The following PPP4R2 variants were observed in gnomAD, a reference collection of about 807,000 sequenced individuals.
PPP4R2 encodes the protein serine/threonine-protein phosphatase 4 regulatory subunit 2.
PPP4R2 carries 13 observed loss-of-function variants against 47.2 expected under a neutral mutation model. That is an observed-to-expected ratio of 0.28 (90% CI 0.18 to 0.44). PPP4R2 has a LOEUF of 0.44. Among genes scored for constraint, PPP4R2 ranks in the 20% least tolerant of loss-of-function variants. PPP4R2 has a pLI of 1.00. For missense variants in PPP4R2, 421 were observed against 491.2 expected (o/e 0.86, Z 1.35); for synonymous variants, 151 against 163.3 (o/e 0.92, Z 0.57).
chr3:73,005,921 A>G (rs1429362664), intron 2 of PPP4R2, among the ~76,000 whole-genome samples: 1 of 151,978 alleles, frequency 6.6e-6, no homozygotes, highest in Non-Finnish European at 1.5e-5. Flanking sequence ...AAGTTTTCAT[A>G]TCTACACTCA....
chr3:73,022,659 G>C (rs1348871864), intron 2 of PPP4R2, among the ~76,000 whole-genome samples: 1 of 151,952 alleles, frequency 6.6e-6, no homozygotes, highest in Non-Finnish European at 1.5e-5. Flanking sequence ...CCAAGTTTAA[G>C]AACGTCAATA....
At chr3:73,003,348 GT>G (rs1418393440) in intron 2 of PPP4R2, among the ~76,000 whole-genome samples, 15 of 151,638 alleles carry the variant, frequency 9.9e-5, no homozygotes, top group Non-Finnish European at 2.2e-4. Flanking sequence ...AGTAGCTGGG[GT>G]TACTGGCACG....
chr3:73,043,558 G>A (rs993288074), intron 2 of PPP4R2, among the ~76,000 whole-genome samples: 3 of 152,116 alleles, frequency 2.0e-5, no homozygotes, highest in Non-Finnish European at 4.4e-5. Context: ...TTTCCCACCA[G>A]TAATGTATGA....
intron 5 of PPP4R2, chr3:73,062,276 G>A (rs1702878009): frequency 6.2e-7 from 1 of 1,607,022 alleles, no homozygotes; most frequent in Non-Finnish European, 8.5e-7. Flanking sequence ...ATGACGCAAT[G>A]GACAGGAGTG....
Position 73,066,262 on chromosome 3 carries a change from A to ATATATATATATATATAT in PPP4R2, c.*540_*541insTATATATATATATATAT, listed in dbSNP as rs1702995053. 5.6e-5 allele frequency: 8 copies of ATATATATATATATATAT among 143,930 alleles called. No individual in the cohort carries two copies. Among genetic ancestry groups the ATATATATATATATATAT allele is most frequent in the East Asian group, 2.0e-4 (1 of 5,086 alleles). The allele number at this position is 143,930 out of a possible 1,614,324, so 8.9% of individuals were successfully genotyped here. A position where few individuals can be genotyped will look rare whatever the true frequency, so the allele number is the denominator to read the frequency against. On this transcript the variant is annotated 3_prime_UTR_variant, in exon 9 of 9. Coordinates refer to ENST00000356692, the MANE Select transcript of PPP4R2 (RefSeq NM_174907.4). ...TACATATATATATATATATATATAT[A>ATATATATATATATATAT]ATTCTAAGGGGGGAAATGTTATATT...
chr3:73,023,861 A>G (rs1351183303), intron 2 of PPP4R2, among the ~76,000 whole-genome samples: 1 of 152,190 alleles, frequency 6.6e-6, no homozygotes, highest in African/African-American at 2.4e-5. Context: ...CAGGTATAAT[A>G]TACTTGGAAG....
intron 2 of PPP4R2, among the ~76,000 whole-genome samples, chr3:73,023,991 A>C (rs539142172): frequency 6.6e-6 from 1 of 152,148 alleles, no homozygotes; most frequent in Admixed American, 6.5e-5. Flanking sequence ...ATTTTTCTTA[A>C]TTTGTATTTT....
chr3:73,036,431 G>C (rs1447474083), intron 2 of PPP4R2, among the ~76,000 whole-genome samples: 1 of 152,194 alleles, frequency 6.6e-6, no homozygotes, highest in South Asian at 2.1e-4. Flanking sequence ...GTTTGAAATG[G>C]ATAGCCCAAA....
intron 2 of PPP4R2, among the ~76,000 whole-genome samples, chr3:73,040,843 A>G (rs1375866927): frequency 6.6e-6 from 1 of 152,184 alleles, no homozygotes; most frequent in Admixed American, 6.6e-5. Context: ...TGATTAATAA[A>G]TTATGGCACA....
At chr3:73,063,778 G>GTT in intron 6 of PPP4R2, 31 bp downstream of exon 6, 1 of 1,416,334 alleles carries the variant, frequency 7.1e-7, no homozygotes, top group Non-Finnish European at 1.0e-6. Context: ...TACCTACAGA[G>GTT]TTTGCATTGT....
At chr3:73,027,220 A>G (rs1382686099) in intron 2 of PPP4R2, among the ~76,000 whole-genome samples, 2 of 152,098 alleles carry the variant, frequency 1.3e-5, no homozygotes, top group Non-Finnish European at 2.9e-5. Flanking sequence ...TCCACCTCCC[A>G]GGTTGAAGCT....
chr3:72,997,671 A>G (rs1701378799), intron 1 of PPP4R2, among the ~76,000 whole-genome samples: 1 of 152,160 alleles, frequency 6.6e-6, no homozygotes. Flanking sequence ...GACATTCAGA[A>G]TCATTTGGGG....
At chr3:73,007,509 A>G (rs763952679) in intron 2 of PPP4R2, among the ~76,000 whole-genome samples, 18 of 149,726 alleles carry the variant, frequency 1.2e-4, no homozygotes, top group Admixed American at 3.3e-4. Context: ...ACAGAGTCTC[A>G]CTCTGTCACC....
At chr3:73,062,447 G>GGAAT in intron 5 of PPP4R2, 1 of 1,612,046 alleles carries the variant, frequency 6.2e-7, no homozygotes, top group Non-Finnish European at 8.5e-7. Context: ...TCCACCCTGT[G>GGAAT]ACCCCAAGTT....
Position 73,065,560 on chromosome 3 carries a change from T to G in PPP4R2, c.1092T>G (p.Ser364Arg), listed in dbSNP as rs1389935581. 4 of 1,612,988 alleles carry G rather than the reference T, an allele frequency of 2.5e-6. No homozygotes were observed. The highest frequency in any genetic ancestry group is 2.2e-5 in the East Asian group (1 of 44,854). Residue 364 changes from serine to arginine, a missense_variant, in exon 9 of 9, where the codon AGT becomes AGG. Transcript: ENST00000356692. ...AEKDLLHSEG[S>R]ENEGPVSSSS... The stretch of plus-strand genomic sequence containing the variant: ...AAGATTTGCTACATTCTGAAGGTAG[T>G]GAAAACGAAGGCCCTGTAAGTAGTA...
chr3:73,059,928 C>G (rs1702814124), intron 4 of PPP4R2, among the ~76,000 whole-genome samples: 1 of 125,308 alleles, frequency 8.0e-6, no homozygotes, highest in African/African-American at 3.2e-5. Flanking sequence ...AAGTGAGACT[C>G]TGTCTCAGAA....
chr3:73,016,718 A>C (rs1235620397), intron 2 of PPP4R2, among the ~76,000 whole-genome samples: 5 of 92,970 alleles, frequency 5.4e-5, no homozygotes, highest in African/African-American at 1.9e-4. Flanking sequence ...AACTAGCTTT[A>C]TTGGTTCATT....
intron 2 of PPP4R2, among the ~76,000 whole-genome samples, chr3:73,013,765 A>G (rs1385361814): frequency 6.6e-6 from 1 of 151,550 alleles, no homozygotes. Flanking sequence ...CAGCCTCCCG[A>G]GTAGGTGGGA....
chr3:73,019,494 C>G (rs947965507), intron 2 of PPP4R2, among the ~76,000 whole-genome samples: 18 of 152,150 alleles, frequency 1.2e-4, no homozygotes, highest in Non-Finnish European at 1.9e-4. Context: ...CTGCCTCAGC[C>G]TCCCTAGTAG....
Sources: allele counts gnomAD v4.1 joint callset (sites outside exome capture counted in the v4.1 genomes callset), GRCh38; gene constraint gnomAD v4.1.1; transcripts MANE v1.5; gene names NCBI Gene and HGNC (gene_info 2026-07-23, HGNC 2026-07-21).